The following RNF216 variants were observed in gnomAD, a reference collection of about 807,000 sequenced individuals.
The protein encoded by RNF216 is ring finger protein 216.
A neutral mutation model predicts 110.8 loss-of-function variants in RNF216; 72 were observed. The ratio of observed to expected loss-of-function variants is 0.65; its 90% CI spans 0.54 to 0.79. The LOEUF is 0.79. Among genes scored for constraint, RNF216 ranks in the 30% least tolerant of loss-of-function variants. RNF216 has a pLI of 0.00. For missense variants in RNF216, 1,342 were observed against 1,141.2 expected (o/e 1.18, Z -2.54); for synonymous variants, 495 against 407.5 (o/e 1.21, Z -2.59).
chr7:5,698,674 A>G (rs35211660), intron 13 of RNF216, among the ~76,000 whole-genome samples: 3 of 152,160 alleles, frequency 2.0e-5, no homozygotes, highest in Non-Finnish European at 2.9e-5. Context: ...AATTATAGGC[A>G]TGAGCCACCG....
At chr7:5,777,494 G>A (rs1412430150) in intron 1 of RNF216, 1 of 152,224 alleles carries the variant, frequency 6.6e-6, no homozygotes, top group African/African-American at 2.4e-5. Context: ...TACCTAGGGG[G>A]AGGAGAAGAA....
chr7:5,643,921 T>C (rs1238666737), intron 14 of RNF216, among the ~76,000 whole-genome samples: 1 of 152,246 alleles, frequency 6.6e-6, no homozygotes, highest in Non-Finnish European at 1.5e-5. Context: ...CATATGCCTC[T>C]GATATTTCAT....
At chr7:5,729,273 C>T (rs375761600) in intron 7 of RNF216, among the ~76,000 whole-genome samples, 159 bp downstream of exon 7, 2 of 152,208 alleles carry the variant, frequency 1.3e-5, no homozygotes, top group African/African-American at 2.4e-5. Context: ...TCATTTAGTC[C>T]GTCACGATGA....
intron 11 of RNF216, among the ~76,000 whole-genome samples, chr7:5,713,798 T>C (rs762604400): frequency 1.3e-5 from 2 of 152,228 alleles, no homozygotes; most frequent in African/African-American, 2.4e-5. Context: ...GCATTTACCA[T>C]GTGTCAAACA....
intron 13 of RNF216, among the ~76,000 whole-genome samples, chr7:5,659,155 G>T (rs138057859): frequency 4.9e-4 from 74 of 152,216 alleles, no homozygotes; most frequent in African/African-American, 1.7e-3. Context: ...GGAGGCAGAG[G>T]CGAGTTTAGT....
chr7:5,642,541 T>C (rs1412476525), intron 14 of RNF216, among the ~76,000 whole-genome samples: 1 of 151,576 alleles, frequency 6.6e-6, no homozygotes, highest in Non-Finnish European at 1.5e-5. Context: ...CACTGCAACC[T>C]CCATTTCCTG....
At chr7:5,665,392 G>A (rs1245031574) in intron 13 of RNF216, among the ~76,000 whole-genome samples, 1 of 152,094 alleles carries the variant, frequency 6.6e-6, no homozygotes, top group African/African-American at 2.4e-5. Context: ...AATATTTTTT[G>A]TTTTCATACA....
At chr7:5,654,074 G>GAAAAA (rs1788576343) in intron 13 of RNF216, among the ~76,000 whole-genome samples, 1 of 152,160 alleles carries the variant, frequency 6.6e-6, no homozygotes, top group African/African-American at 2.4e-5. Context: ...CATTCTGGGT[G>GAAAAA]GAAAACACTG....
At chr7:5,626,917 TGAA>T (rs1203736240) in intron 15 of RNF216, among the ~76,000 whole-genome samples, 1 of 152,186 alleles carries the variant, frequency 6.6e-6, no homozygotes, top group African/African-American at 2.4e-5. Context: ...AGAAGTTTCA[TGAA>T]GAAGTGGTGC....
intron 1 of RNF216, among the ~76,000 whole-genome samples, chr7:5,772,586 G>C (rs1796553497): frequency 6.6e-6 from 1 of 152,064 alleles, no homozygotes; most frequent in Non-Finnish European, 1.5e-5. Context: ...GTGCCTCAGA[G>C]GCAGTAAGCC....
chr7:5,752,444 T>TTA (rs886354853), intron 3 of RNF216, among the ~76,000 whole-genome samples: 10 of 152,234 alleles, frequency 6.6e-5, no homozygotes, highest in South Asian at 4.1e-4. Flanking sequence ...CGCAAACTGA[T>TTA]TATATATATA....
In RNF216 at chr7:5,622,798, G is replaced by T; in HGVS notation, c.*62C>A. On this transcript the variant is annotated 3_prime_UTR_variant, in exon 17 of 17. Coordinates refer to ENST00000389902, the MANE Select transcript of RNF216 (RefSeq NM_207111.4). The stretch of plus-strand genomic sequence containing the variant: ...GTACAGACACCAGCCTTGGGGGAGG[G>T]TTCTCCATCCACACTCCTACCCCAA... 1 of 1,469,808 alleles carries T rather than the reference G, an allele frequency of 6.8e-7. No homozygotes were observed. The highest frequency in any genetic ancestry group is 2.3e-5 in the East Asian group (1 of 43,404). 91.0% of individuals were successfully genotyped at this position (1,469,808 alleles called of 1,614,324 possible).
intron 15 of RNF216, among the ~76,000 whole-genome samples, chr7:5,638,338 C>G (rs1417173254): frequency 6.6e-6 from 1 of 152,098 alleles, no homozygotes; most frequent in African/African-American, 2.4e-5. Context: ...TAAATTTGTA[C>G]AACTTTAAAC....
chr7:5,629,964 T>C (rs559249722), intron 15 of RNF216, among the ~76,000 whole-genome samples: 1 of 151,704 alleles, frequency 6.6e-6, no homozygotes, highest in East Asian at 1.9e-4. Flanking sequence ...CATTCTGGAG[T>C]CAAGTCCCTC....
chr7:5,768,178 C>A (rs1316230105), intron 1 of RNF216, among the ~76,000 whole-genome samples: 1 of 150,998 alleles, frequency 6.6e-6, no homozygotes, highest in Non-Finnish European at 1.5e-5. Context: ...TTACCAGGTG[C>A]GGTAGCTCAT....
chr7:5,674,525 G>A (rs868009407), intron 13 of RNF216, among the ~76,000 whole-genome samples: 4 of 151,946 alleles, frequency 2.6e-5, no homozygotes, highest in Admixed American at 2.0e-4. Context: ...CTAATCGGGA[G>A]GCCAAGGTGG....
intron 9 of RNF216, among the ~76,000 whole-genome samples, chr7:5,719,801 C>CT (rs1793299640): frequency 6.6e-6 from 1 of 152,162 alleles, no homozygotes; most frequent in Non-Finnish European, 1.5e-5. Flanking sequence ...TTTTCTGTCA[C>CT]TTTTTTCCAA....
intron 3 of RNF216, among the ~76,000 whole-genome samples, chr7:5,748,045 C>T (rs1795130312): frequency 6.6e-6 from 1 of 152,114 alleles, no homozygotes; most frequent in East Asian, 1.9e-4. Context: ...AAAAATCAAA[C>T]TGTTGCTAAG....
intron 8 of RNF216, 65 bp from the exon 9 acceptor site, chr7:5,721,237 T>C (rs918182695): frequency 1.1e-5 from 16 of 1,437,892 alleles, no homozygotes; most frequent in South Asian, 3.5e-5. Flanking sequence ...GGGCCAGCCA[T>C]GTCCATTCTT....
Sources: allele counts gnomAD v4.1 joint callset (sites outside exome capture counted in the v4.1 genomes callset), GRCh38; gene constraint gnomAD v4.1.1; transcripts MANE v1.5; gene names NCBI Gene and HGNC (gene_info 2026-07-23, HGNC 2026-07-21).